Variants in ABI2 observed in about 807,000 individuals in gnomAD.
The protein encoded by ABI2 is abl interactor 2, also known as abelson interactor 2.
Under a neutral mutation model 59.2 loss-of-function variants are expected in ABI2, and 25 were observed. That is an observed-to-expected ratio of 0.42 (90% CI 0.31 to 0.59). ABI2 has a LOEUF of 0.59. Among genes scored for constraint, ABI2 ranks in the 20% least tolerant of loss-of-function variants. ABI2 has a pLI of 0.14. For synonymous variants in ABI2, 213 were observed against 235.5 expected (o/e 0.90, Z 0.87); for missense variants, 545 against 681.8 (o/e 0.80, Z 2.23).
At chr2:203,388,799 A>G (rs769839523) in intron 4 of ABI2, among the ~76,000 whole-genome samples, 1 of 152,268 alleles carries the variant, frequency 6.6e-6, no homozygotes. Flanking sequence ...AGATACTGCA[A>G]TTTAAACAAA....
At chr2:203,415,782 G>T (rs939846895) in intron 10 of ABI2, among the ~76,000 whole-genome samples, 2 of 152,126 alleles carry the variant, frequency 1.3e-5, no homozygotes, top group African/African-American at 4.8e-5. Context: ...CTGATAAACA[G>T]GTTTATTCAT....
chr2:203,422,192 G>A (rs922552811), intron 11 of ABI2, among the ~76,000 whole-genome samples: 14 of 152,256 alleles, frequency 9.2e-5, no homozygotes, highest in African/African-American at 2.6e-4. Flanking sequence ...CAGCTACTCT[G>A]GAGGCTGAGG....
rs767680219 is a variant in ABI2, at chr2:203,373,508, CGGGAGA to C, written c.285+6477_285+6482del. 6.6e-4 allele frequency among the ~76,000 whole-genome samples: 93 copies of C among 140,026 alleles called. 4 individuals carry two copies. In the East Asian group the frequency reaches 0.012, roughly 18 times the overall value. 91.9% of individuals were successfully genotyped at this position (140,026 alleles called of 152,430 possible). ...TGGGGAGAGGGAGAGGGAGAGGGAG[CGGGAGA>C]GGGAGAGGGAGACTAAACTAAAATT... On this transcript the variant is annotated intron_variant, in intron 2 of 11. Transcript: ENST00000261018.
intron 11 of ABI2, among the ~76,000 whole-genome samples, chr2:203,423,550 C>A (rs1050775214): frequency 6.6e-6 from 1 of 152,214 alleles, no homozygotes; most frequent in African/African-American, 2.4e-5. Context: ...CTCAGCCCCA[C>A]GAGTAGCTGG....
chr2:203,388,421 G>A (rs1260684774), intron 4 of ABI2, among the ~76,000 whole-genome samples: 1 of 152,136 alleles, frequency 6.6e-6, no homozygotes, highest in Non-Finnish European at 1.5e-5. Context: ...GGTGGCTCAT[G>A]CCTGTAATCC....
At chr2:203,363,695 C>G (rs938327614) in intron 1 of ABI2, among the ~76,000 whole-genome samples, 1 of 152,184 alleles carries the variant, frequency 6.6e-6, no homozygotes, top group African/African-American at 2.4e-5. Flanking sequence ...TATGTTGTTG[C>G]AAATGACTGA....
intron 9 of ABI2, among the ~76,000 whole-genome samples, chr2:203,407,651 A>G (rs2097485868): frequency 6.6e-6 from 1 of 152,184 alleles, no homozygotes; most frequent in Admixed American, 6.5e-5. Context: ...TTATATCTAA[A>G]CATTCTTGTA....
In ABI2 at chr2:203,396,855, T is replaced by G. The variant is rs2097016014; in HGVS notation, c.921T>G (p.Pro307=). 1 of 1,535,224 alleles carries G rather than the reference T, an allele frequency of 6.5e-7. No individual in the cohort carries two copies. Among genetic ancestry groups the G allele is most frequent in the Non-Finnish European group, 8.7e-7 (1 of 1,146,566 alleles). ...TSASAPAPLV[P]ATVPSSTAPD... is the part of the protein sequence containing the mutation. Reference sequence around the variant, plus strand: ...CATCTGCCCCTGCTCCTCTTGTTCCTGCTACTGTCCCTTCCTCCACTGCCC... The same window carrying G: ...CATCTGCCCCTGCTCCTCTTGTTCCGGCTACTGTCCCTTCCTCCACTGCCC... The change falls in exon 8 of 12, where the codon CCT becomes CCG. Residue 307 remains proline, a synonymous_variant. Transcript: ENST00000261018.
intron 1 of ABI2, among the ~76,000 whole-genome samples, chr2:203,362,255 A>G (rs1160769095): frequency 6.6e-6 from 1 of 152,204 alleles, no homozygotes; most frequent in Admixed American, 6.6e-5. Flanking sequence ...TCTAAGCATG[A>G]AATAATGATA....
chr2:203,344,362 T>A lies in ABI2; in HGVS notation c.117+15731T>A, dbSNP rs539032144. On this transcript the variant is annotated intron_variant, in intron 1 of 11. Transcript: ENST00000261018. Reference sequence around the variant, plus strand: ...AATCAAGAACAATATAATTTTTAAATTTTTTTTTCCTTTTTTTTTGAGACA... The same window carrying A: ...AATCAAGAACAATATAATTTTTAAAATTTTTTTTCCTTTTTTTTTGAGACA... 1.8e-4 allele frequency among the ~76,000 whole-genome samples: 27 copies of A among 146,750 alleles called. 1 individual carries two copies. The highest frequency in any genetic ancestry group is 3.5e-3 in the Middle Eastern group (1 of 284).
chr2:203,380,364 G>A lies in ABI2; in HGVS notation c.442G>A (p.Asp148Asn), dbSNP rs2096033514. The change falls in exon 3 of 12, where the codon GAT (aspartate) becomes AAT (asparagine). Residue 148 changes from aspartate to asparagine, a missense_variant. Asp to Asn is a conservative substitution (Grantham distance 23). Around this residue, in one of 4 missense-constraint regions of ABI2, gnomAD observed 410 missense variants for 435.6 expected, o/e 0.94. Transcript: ENST00000261018. Reference protein sequence around the residue: ...RKPIDYTILDDIGHGVKWLLR... With the variant: ...RKPIDYTILDNIGHGVKWLLR... ...ACCTATTGACTATACAATTCTAGAT[G>A]ATATTGGACATGGAGTAAAGGTAGG... The A allele has an allele frequency of 6.5e-7, 1 of 1,550,026 alleles. No individual in the cohort carries two copies. Among genetic ancestry groups the A allele is most frequent in the South Asian group, 1.2e-5 (1 of 80,600 alleles).
chr2:203,358,107 GTGTGTGTTTGTT>G (rs879274892), intron 1 of ABI2, among the ~76,000 whole-genome samples: 79 of 145,196 alleles, frequency 5.4e-4, no homozygotes, highest in Non-Finnish European at 8.6e-4. Context: ...GTGTGTGTGT[GTGTGTGTTTGTT>G]TGTTTGTTTG....
intron 10 of ABI2, among the ~76,000 whole-genome samples, chr2:203,414,366 T>G (rs917958352): frequency 1.3e-5 from 2 of 152,172 alleles, no homozygotes; most frequent in African/African-American, 4.8e-5. Flanking sequence ...CCTCCCAAAG[T>G]GCTGGGATTA....
intron 1 of ABI2, among the ~76,000 whole-genome samples, chr2:203,356,373 A>T (rs1183313178): frequency 6.6e-6 from 1 of 151,520 alleles, no homozygotes; most frequent in Non-Finnish European, 1.5e-5. Context: ...ATTTTATTTT[A>T]TTTTATTTAT....
intron 1 of ABI2, among the ~76,000 whole-genome samples, chr2:203,351,050 A>G (rs917014295): frequency 3.9e-5 from 6 of 152,088 alleles, no homozygotes; most frequent in Non-Finnish European, 5.9e-5. Flanking sequence ...GTAGGGGTTC[A>G]TATTTACTCT....
chr2:203,397,353 T>C (rs1344506952), intron 8 of ABI2, among the ~76,000 whole-genome samples: 2 of 152,222 alleles, frequency 1.3e-5, no homozygotes, highest in African/African-American at 4.8e-5. Flanking sequence ...ATAGGAAATA[T>C]TTGATACAAC....
chr2:203,395,943 A>G (rs761878242), intron 7 of ABI2, among the ~76,000 whole-genome samples, 163 bp downstream of exon 7: 6 of 152,150 alleles, frequency 3.9e-5, no homozygotes, highest in Admixed American at 6.5e-5. Context: ...AGTGATTTGT[A>G]AGTGTTTGCT....
chr2:203,406,824 TG>T (rs1394667361), intron 9 of ABI2, among the ~76,000 whole-genome samples: 2 of 152,102 alleles, frequency 1.3e-5, no homozygotes, highest in African/African-American at 4.8e-5. Context: ...CCACCACGCC[TG>T]GCTCTTTTTT....
chr2:203,369,935 T>C (rs1476763076), intron 2 of ABI2, among the ~76,000 whole-genome samples: 1 of 152,002 alleles, frequency 6.6e-6, no homozygotes, highest in Non-Finnish European at 1.5e-5. Flanking sequence ...TACTTGTGTT[T>C]ACAGGTAGAA....
Sources: gnomAD v4.1 joint callset for allele counts (sites outside exome capture counted in the v4.1 genomes callset) on GRCh38, gnomAD v4.1.1 for gene constraint, gnomAD v4.1.1 regional missense constraint, MANE v1.5 for transcripts, NCBI Gene and HGNC (gene_info 2026-07-23, HGNC 2026-07-21) for gene names.